Variants in DENND5A observed in about 807,000 individuals in gnomAD.
DENND5A encodes the protein DENN domain containing 5A, also known as DENN domain-containing protein 5A.
DENND5A carries 64 observed loss-of-function variants against 140.3 expected under a neutral mutation model. The observed-to-expected ratio is 0.46, with a 90% CI of 0.37 to 0.56. The LOEUF (loss-of-function observed/expected upper bound fraction) is 0.56. DENND5A is among the 20% of genes least tolerant of loss of function. DENND5A has a pLI of 0.00. For synonymous variants in DENND5A, 605 were observed against 607.7 expected (o/e 1.00, Z 0.07); for missense variants, 1,292 against 1,593.8 (o/e 0.81, Z 3.22).
At chr11:9,246,407 T>C (rs962976990) in intron 1 of DENND5A, among the ~76,000 whole-genome samples, 7 of 151,560 alleles carry the variant, frequency 4.6e-5, no homozygotes, top group East Asian at 1.9e-4. Flanking sequence ...GGTCAGGAGA[T>C]TGAGACCATC....
chr11:9,177,339 G>A (rs953682641), intron 8 of DENND5A, among the ~76,000 whole-genome samples: 13 of 151,492 alleles, frequency 8.6e-5, no homozygotes, highest in Non-Finnish European at 1.6e-4. Flanking sequence ...TTCTTGCCTC[G>A]AATGTGAATA....
chr11:9,243,069 C>G, intron 1 of DENND5A, among the ~76,000 whole-genome samples: 1 of 130,014 alleles, frequency 7.7e-6, no homozygotes. Context: ...GCCTGGGCGA[C>G]ACAGCGAGAC....
intron 20 of DENND5A, 95 bp from the exon 21 acceptor site, chr11:9,142,940 G>C: frequency 6.6e-7 from 1 of 1,514,544 alleles, no homozygotes. Flanking sequence ...AGTTGGGAGG[G>C]CTGCAAAAGA....
intron 10 of DENND5A, 133 bp from the exon 11 acceptor site, chr11:9,166,100 A>C (rs1485001712): frequency 5.8e-6 from 4 of 690,284 alleles, no homozygotes; most frequent in Non-Finnish European, 9.0e-6. Flanking sequence ...TTTTTTTTTG[A>C]GACGAATCTT....
chr11:9,140,283 C>T (rs917221956), intron 22 of DENND5A: 2 of 1,152,774 alleles, frequency 1.7e-6, no homozygotes, highest in Admixed American at 2.3e-5. Flanking sequence ...ATTATCCCCA[C>T]TTTATAGATG....
At chr11:9,198,177 G>C (rs1346405487) in intron 4 of DENND5A, among the ~76,000 whole-genome samples, 1 of 152,026 alleles carries the variant, frequency 6.6e-6, no homozygotes, top group Admixed American at 6.6e-5. Context: ...GTAGTACAAA[G>C]TCACTAAAAA....
intron 1 of DENND5A, among the ~76,000 whole-genome samples, chr11:9,238,822 ATTTCTTT>A (rs1382780679): frequency 7.0e-6 from 1 of 142,548 alleles, no homozygotes; most frequent in Non-Finnish European, 1.5e-5. Context: ...TCCTTCTATA[ATTTCTTT>A]TTTCTTTTTT....
rs557506621 is a variant in DENND5A at position 9,263,867 on chromosome 11, A to G, written c.109+1094T>C. 4.0e-3 allele frequency among the ~76,000 whole-genome samples: 608 copies of G among 151,160 alleles called. 1 individual carries two copies. Among genetic ancestry groups the G allele is most frequent in the Admixed American group, 6.5e-3 (98 of 15,164 alleles). Reference sequence around the variant, plus strand: ...CCGTCTCAAAAAAAAAAAAAAAAAAAAAAAGAAACACTGGACTTTTTCTGG... The same window carrying G: ...CCGTCTCAAAAAAAAAAAAAAAAAAGAAAAGAAACACTGGACTTTTTCTGG... On this transcript the variant is annotated intron_variant, in intron 1 of 22. Coordinates refer to ENST00000328194, the MANE Select transcript of DENND5A (RefSeq NM_015213.4).
chr11:9,263,963 A>G (rs556864527), intron 1 of DENND5A, among the ~76,000 whole-genome samples: 1 of 152,266 alleles, frequency 6.6e-6, no homozygotes, highest in Non-Finnish European at 1.5e-5. Flanking sequence ...ATCACTTTCG[A>G]AAGAGAAACT....
intron 4 of DENND5A, among the ~76,000 whole-genome samples, chr11:9,198,633 G>C (rs1259483174): frequency 6.6e-6 from 1 of 151,738 alleles, no homozygotes; most frequent in Non-Finnish European, 1.5e-5. Flanking sequence ...AAAAAGAAAA[G>C]TAAAGTAACT....
chr11:9,191,933 C>G (rs531404843), intron 5 of DENND5A, among the ~76,000 whole-genome samples: 1 of 152,296 alleles, frequency 6.6e-6, no homozygotes, highest in South Asian at 2.1e-4. Context: ...CCAGTCGACT[C>G]TTCAGGTTTA....
At chr11:9,213,237 C>T (rs1254285578) in intron 1 of DENND5A, among the ~76,000 whole-genome samples, 2 of 151,716 alleles carry the variant, frequency 1.3e-5, no homozygotes, top group African/African-American at 2.4e-5. Flanking sequence ...AACTCTTGAC[C>T]GCAGGCAATC....
chr11:9,166,800 C>G (rs970476720), intron 10 of DENND5A, among the ~76,000 whole-genome samples: 2 of 151,850 alleles, frequency 1.3e-5, no homozygotes, highest in Non-Finnish European at 2.9e-5. Context: ...CCACTGCACT[C>G]TAGCCTGGGC....
At chr11:9,153,931 A>G (rs1210649355) in intron 12 of DENND5A, among the ~76,000 whole-genome samples, 1 of 152,266 alleles carries the variant, frequency 6.6e-6, no homozygotes, top group Non-Finnish European at 1.5e-5. Context: ...CTGGTCACCC[A>G]GCAACTGCTT....
At chr11:9,152,193 G>T (rs749842131) in intron 13 of DENND5A, among the ~76,000 whole-genome samples, 165 bp downstream of exon 13, 13 of 152,194 alleles carry the variant, frequency 8.5e-5, no homozygotes, top group Non-Finnish European at 1.5e-4. Context: ...CATGGTTTTG[G>T]TATGCTCTGT....
intron 1 of DENND5A, among the ~76,000 whole-genome samples, chr11:9,243,439 G>C (rs1027419877): frequency 6.6e-6 from 1 of 152,092 alleles, no homozygotes; most frequent in African/African-American, 2.4e-5. Flanking sequence ...GGTTTCAACT[G>C]TGTGGGTACA....
Position 9,142,864 on chromosome 11 carries a change from G to T in DENND5A, c.3388-19C>A, listed in dbSNP as rs766967497. ...TGCCTCGCTACGTAAGGAAACAGGG[G>T]AGGGTGCCAGGCTTGTCTCAGCCGA... On this transcript the variant is annotated intron_variant, in intron 20 of 22. Coordinates refer to ENST00000328194, the MANE Select transcript of DENND5A (RefSeq NM_015213.4). The T allele has an allele frequency of 1.9e-6, 3 of 1,613,510 alleles. No homozygotes were observed. The East Asian group carries it at 6.7e-5, about 36-fold the overall frequency.
intron 1 of DENND5A, among the ~76,000 whole-genome samples, chr11:9,248,772 C>T (rs1000918288): frequency 5.3e-5 from 8 of 152,078 alleles, no homozygotes; most frequent in African/African-American, 1.7e-4. Context: ...TTGGTTTACA[C>T]ATCTAACTTA....
At chr11:9,191,002 A>G (rs935752919) in intron 5 of DENND5A, among the ~76,000 whole-genome samples, 11 of 152,182 alleles carry the variant, frequency 7.2e-5, no homozygotes, top group African/African-American at 2.4e-4. Flanking sequence ...TGTGACCTTC[A>G]GAAGACAGGT....
Sources: allele counts gnomAD v4.1 joint callset (sites outside exome capture counted in the v4.1 genomes callset), GRCh38; gene constraint gnomAD v4.1.1; transcripts MANE v1.5; gene names NCBI Gene and HGNC (gene_info 2026-07-23, HGNC 2026-07-21).